The following PTPRA variants were observed in gnomAD, a reference collection of about 807,000 sequenced individuals.
PTPRA encodes receptor-type tyrosine-protein phosphatase alpha.
A neutral mutation model predicts 104.8 loss-of-function variants in PTPRA; 25 were observed. The observed-to-expected ratio is 0.24, with a 90% CI of 0.17 to 0.33. The LOEUF is 0.33. Ranked by LOEUF, PTPRA falls within the 10% of genes least tolerant of loss-of-function variation. The pLI, the probability that PTPRA is intolerant of heterozygous loss-of-function variation, is 1.00. For missense variants in PTPRA, 765 were observed against 1,015.3 expected, an observed-to-expected ratio of 0.75 and a Z score of 3.35; for synonymous variants, 323 against 368.9, an observed-to-expected ratio of 0.88 and a Z score of 1.43.
chr20:2,970,622 C>T (rs2062147053), intron 5 of PTPRA, among the ~76,000 whole-genome samples: 2 of 152,140 alleles, frequency 1.3e-5, no homozygotes, highest in South Asian at 2.1e-4. Context: ...GGTAAAACTG[C>T]AAATGTTGTT....
At chr20:2,864,278 A>G in the PTPRA span, 1 of 1,614,194 alleles carries the variant, frequency 6.2e-7, no homozygotes, top group Non-Finnish European at 8.5e-7. This position sits in a 1 kb window ranked among gnomAD's most constrained non-coding sequence, Gnocchi z 5.2. Context: ...GAGCGGGGAC[A>G]CTGACCTGGG....
At chr20:2,972,662 A>G (rs903837909) in intron 5 of PTPRA, among the ~76,000 whole-genome samples, 4 of 151,542 alleles carry the variant, frequency 2.6e-5, no homozygotes, top group African/African-American at 9.7e-5. Flanking sequence ...GATAAGTTTT[A>G]GTTTTTAGTG....
chr20:3,003,302 A>G (rs2063719040), intron 9 of PTPRA, among the ~76,000 whole-genome samples: 1 of 152,240 alleles, frequency 6.6e-6, no homozygotes, highest in South Asian at 2.1e-4. Context: ...ATGAAAAGTA[A>G]TGCATGAATT....
At chr20:2,985,348 G>A (rs986571446) in intron 6 of PTPRA, among the ~76,000 whole-genome samples, 3 of 152,244 alleles carry the variant, frequency 2.0e-5, no homozygotes, top group Non-Finnish European at 4.4e-5. Context: ...CGCGAGGCTG[G>A]TGGTAGCTGG....
Position 2,964,772 on chromosome 20 carries a change from G to A in PTPRA, c.74-89G>A. 5 of 1,173,670 alleles carry A rather than the reference G, an allele frequency of 4.3e-6. No individual in the cohort carries two copies. In the South Asian group the frequency reaches 7.4e-5, roughly 17 times the overall value. The allele number at this position is 1,173,670 out of a possible 1,614,324, so 72.7% of individuals were successfully genotyped here. On this transcript the variant is annotated intron_variant, in intron 4 of 23. Coordinates refer to ENST00000399903, the MANE Select transcript of PTPRA (RefSeq NM_001385305.1). Reference sequence around the variant, plus strand: ...CTTTGCTTGGTCTCCATATGTTTGAGAGTTTATTAAGGCTTGCTGCTTTGT... The same window carrying A: ...CTTTGCTTGGTCTCCATATGTTTGAAAGTTTATTAAGGCTTGCTGCTTTGT...
intron 1 of PTPRA, among the ~76,000 whole-genome samples, chr20:2,880,325 C>T (rs1568636684): frequency 6.6e-6 from 1 of 152,168 alleles, no homozygotes; most frequent in Non-Finnish European, 1.5e-5. Flanking sequence ...TCTCTGGCAT[C>T]TTCTTGGGTC....
chr20:2,894,545 T>A (rs2058919228), intron 1 of PTPRA, among the ~76,000 whole-genome samples: 1 of 152,084 alleles, frequency 6.6e-6, no homozygotes, highest in Non-Finnish European at 1.5e-5. Flanking sequence ...CGGGCTCAAG[T>A]GATCTTCCAG....
rs1484050604 is a variant in PTPRA, at chr20:3,007,348, C to A, written c.834C>A (p.Asp278Glu). Residue 278 changes from aspartate (D) to glutamate (E), a missense_variant, in exon 11 of 24, where the codon GAC (aspartate) becomes GAA (glutamate). Physicochemically the swap from Asp to Glu is conservative, Grantham distance 45. Around this residue, in one of 4 missense-constraint regions of PTPRA, gnomAD observed 245 missense variants for 398.7 expected, o/e 0.61. Coordinates refer to ENST00000399903, the MANE Select transcript of PTPRA (RefSeq NM_001385305.1). Reference sequence around the variant, plus strand: ...TATTGTTGGTTTGTTTCCTAGATGACCACTCTAGAGTCCACCTGACACCGG... The same window carrying A: ...TATTGTTGGTTTGTTTCCTAGATGAACACTCTAGAGTCCACCTGACACCGG... The part of the protein sequence containing the change: ...KNRYVNILPY[D>E]HSRVHLTPVE... 1 of 1,613,462 alleles carries A rather than the reference C, an allele frequency of 6.2e-7. No homozygotes were observed. The highest frequency in any genetic ancestry group is 8.5e-7 in the Non-Finnish European group (1 of 1,179,512).
chr20:2,960,848 CTT>C (rs948883669), intron 3 of PTPRA, among the ~76,000 whole-genome samples: 8 of 142,000 alleles, frequency 5.6e-5, no homozygotes, highest in Non-Finnish European at 6.2e-5. Flanking sequence ...TTTTTATTTT[CTT>C]TTTTTTTTTT....
chr20:2,977,937 G>A (rs1043719739), intron 6 of PTPRA, among the ~76,000 whole-genome samples: 4 of 152,062 alleles, frequency 2.6e-5, no homozygotes, highest in African/African-American at 9.7e-5. Context: ...TTATATCTGG[G>A]GAGTGGGAAG....
chr20:2,892,423 G>A (rs1166919295), intron 1 of PTPRA, among the ~76,000 whole-genome samples: 1 of 152,128 alleles, frequency 6.6e-6, no homozygotes, highest in African/African-American at 2.4e-5. Flanking sequence ...TGGGAAAGCT[G>A]GTGTGATATA....
intron 1 of PTPRA, among the ~76,000 whole-genome samples, chr20:2,908,539 C>T (rs1402578313): frequency 2.6e-5 from 4 of 152,038 alleles, no homozygotes; most frequent in African/African-American, 9.7e-5. Context: ...GCATAATAAA[C>T]AAAATGCTTC....
rs149543176 is a variant in PTPRA at position 2,913,369 on chromosome 20, C to A, written c.-128-9838C>A. Among the ~76,000 whole-genome samples, 1,486 of 152,172 alleles carry A rather than the reference C, an allele frequency of 9.8e-3. 94 individuals are homozygous for A. Among genetic ancestry groups the A allele is most frequent in the Admixed American group, 0.089 (1,360 of 15,264 alleles). On this transcript the variant is annotated intron_variant, in intron 1 of 23. Transcript: ENST00000399903. ...TTCCAGCCTGGGTGACAGAGTGAGA[C>A]CCTGTCTCCAAAAATAAAATAAAAT...
At position 3,017,827 on chromosome 20, in the gene PTPRA, G is replaced by A; in HGVS notation, c.955G>A (p.Glu319Lys). Reference protein sequence around the residue: ...KFIAAQGPKEETVNDFWRMIW... With the variant: ...KFIAAQGPKEKTVNDFWRMIW... ...GTTGGCTACTTTAGGACCAAAAGAA[G>A]AAACGGTGAATGATTTCTGGCGGAT... Residue 319 changes from glutamate (E) to lysine (K), a missense_variant, in exon 13 of 24, where the codon GAA becomes AAA. Around this residue, in one of 4 missense-constraint regions of PTPRA, gnomAD observed 245 missense variants for 398.7 expected, o/e 0.61. Transcript: ENST00000399903. 6.2e-7 allele frequency: 1 copy of A among 1,614,160 alleles called. No homozygotes were observed. The highest frequency in any genetic ancestry group is 1.1e-5 in the South Asian group (1 of 91,080).
chr20:3,012,282 G>T (rs1178031), intron 11 of PTPRA, among the ~76,000 whole-genome samples: 80,350 of 151,978 alleles, frequency 0.53, 21,571 homozygotes, highest in East Asian at 0.8. Flanking sequence ...TTTAGGAGGG[G>T]CCAATTGGGG....
chr20:2,891,380 G>A (rs904466057), intron 1 of PTPRA, among the ~76,000 whole-genome samples: 64 of 152,220 alleles, frequency 4.2e-4, no homozygotes, highest in African/African-American at 1.4e-3. Flanking sequence ...TCCTCTTAAC[G>A]TTGGTAGCCT....
At chr20:2,986,179 T>C (rs748886295) in intron 6 of PTPRA, among the ~76,000 whole-genome samples, 13 of 152,150 alleles carry the variant, frequency 8.5e-5, no homozygotes, top group Non-Finnish European at 1.8e-4. Flanking sequence ...AATGCTAGGA[T>C]TACAGGCATG....
intron 3 of PTPRA, among the ~76,000 whole-genome samples, chr20:2,958,036 A>G (rs2061601108): frequency 1.3e-5 from 2 of 152,026 alleles, no homozygotes; most frequent in Admixed American, 6.6e-5. Context: ...GTAAAAGAAG[A>G]ACAGTGTAGT....
At chr20:2,978,362 A>G (rs1394054773) in intron 6 of PTPRA, among the ~76,000 whole-genome samples, 2 of 152,226 alleles carry the variant, frequency 1.3e-5, no homozygotes, top group Non-Finnish European at 2.9e-5. Flanking sequence ...TTTAGAGCCA[A>G]TAGGAAACAT....
Sources: allele counts gnomAD v4.1 joint callset (sites outside exome capture counted in the v4.1 genomes callset), GRCh38; gene constraint gnomAD v4.1.1; regional missense constraint gnomAD v4.1.1; non-coding constraint Gnocchi (gnomAD v3.1); transcripts MANE v1.5; gene names NCBI Gene and HGNC (gene_info 2026-07-23, HGNC 2026-07-21).